The following DCLRE1C variants were observed in gnomAD, a reference collection of about 807,000 sequenced individuals.
DCLRE1C encodes protein artemis.
In DCLRE1C, 47 loss-of-function variants were observed where a neutral mutation model predicts 61.4. The ratio of observed to expected loss-of-function variants is 0.77; its 90% CI spans 0.61 to 0.98. DCLRE1C has a LOEUF of 0.98. Among genes scored for constraint, DCLRE1C ranks in the 50% least tolerant of loss-of-function variants. DCLRE1C has a pLI of 0.00. For synonymous variants in DCLRE1C, 337 were observed against 287.6 expected, an observed-to-expected ratio of 1.17 and a Z score of -1.74; for missense variants, 858 against 816.0, an observed-to-expected ratio of 1.05 and a Z score of -0.63.
At chr10:14,945,383 T>C in intron 2 of DCLRE1C, 194 bp from the exon 3 acceptor site, 5 of 1,321,376 alleles carry the variant, frequency 3.8e-6, no homozygotes, top group Non-Finnish European at 4.9e-6. Flanking sequence ...ATACATCTAA[T>C]AATTCAGAAA....
At position 14,945,109 on chromosome 10, in the gene DCLRE1C, C is replaced by T. The variant is rs772627259; in HGVS notation, c.242G>A (p.Arg81Gln). The T allele has an allele frequency of 1.9e-6, 3 of 1,610,156 alleles. No homozygotes were observed. Among genetic ancestry groups the T allele is most frequent in the East Asian group, 2.2e-5 (1 of 44,762 alleles). ...TATTAAAAAAATAAAACTTACAATT[C>T]GTTTCTTCCAAAATCTGTATTTCGG... Reference protein sequence around the residue: ...TSPKYRFWKKRIISIEIETPT... With the variant: ...TSPKYRFWKKQIISIEIETPT... The change falls in exon 3 of 14, where the codon CGA becomes CAA. Residue 81 changes from arginine (R) to glutamine (Q), a missense_variant. Physicochemically the swap from Arg to Gln is conservative, Grantham distance 43. Coordinates refer to ENST00000378278, the MANE Select transcript of DCLRE1C (RefSeq NM_001033855.3).
At chr10:14,903,718 A>C (rs556051168), downstream of DCLRE1C, 1 of 152,194 alleles carries the variant, frequency 6.6e-6, no homozygotes, top group African/African-American at 2.4e-5. Flanking sequence ...CTATTCTTTC[A>C]TGTCTGATTC....
At chr10:14,924,045 G>A (rs541628637) in intron 11 of DCLRE1C, among the ~76,000 whole-genome samples, 4 of 152,364 alleles carry the variant, frequency 2.6e-5, no homozygotes, top group Admixed American at 2.6e-4. Flanking sequence ...GACAGCTGGG[G>A]TGTGCCTAAG....
chr10:14,951,555 A>T (rs991547848), intron 1 of DCLRE1C, among the ~76,000 whole-genome samples: 1 of 152,128 alleles, frequency 6.6e-6, no homozygotes, highest in African/African-American at 2.4e-5. Flanking sequence ...AAGGAAAGGT[A>T]GTGTTTTGGT....
At chr10:14,929,425 T>A (rs71485535) in intron 9 of DCLRE1C, among the ~76,000 whole-genome samples, 23,389 of 127,422 alleles carry the variant, frequency 0.18, 1,848 homozygotes, top group Middle Eastern at 0.25. Context: ...TTTTTTTAAT[T>A]AAAAAAAAAA....
At chr10:14,901,548 T>TG (rs1377367529), downstream of DCLRE1C, among the ~76,000 whole-genome samples, 1 of 151,558 alleles carries the variant, frequency 6.6e-6, no homozygotes, top group African/African-American at 2.4e-5. Flanking sequence ...TACTTGTCTT[T>TG]TTTTTTTTTT....
chr10:14,915,127 A>G (rs985980414), intron 13 of DCLRE1C, among the ~76,000 whole-genome samples: 4 of 152,146 alleles, frequency 2.6e-5, no homozygotes, highest in Admixed American at 2.0e-4. Flanking sequence ...TGAAAACAAG[A>G]CAAATTTATG....
intron 11 of DCLRE1C, among the ~76,000 whole-genome samples, chr10:14,924,554 A>G (rs1348699866): frequency 6.6e-6 from 1 of 152,184 alleles, no homozygotes; most frequent in Non-Finnish European, 1.5e-5. Context: ...GAAACAGTCA[A>G]TAAAATCATC....
chr10:14,933,840 G>C (rs1316747688), intron 8 of DCLRE1C, among the ~76,000 whole-genome samples: 1 of 152,176 alleles, frequency 6.6e-6, no homozygotes, highest in Non-Finnish European at 1.5e-5. Context: ...GCTCTTGTAA[G>C]CCATTTTGGC....
chr10:14,909,122 G>A lies in DCLRE1C; in HGVS notation c.1365C>T (p.Ser455=). The change falls in exon 14 of 14, where the codon TCC becomes TCT. Residue 455 remains serine (S), a synonymous_variant. Transcript: ENST00000378278. ...CTACTTCTTCTTCACTTTCACTGTT[G>A]GATTCTTCACAATCTACAAAGTTTG... is the stretch of plus-strand genomic sequence containing the variant. ...RFTNFVDCEE[S]NSESEEEVGI... 1 of 1,614,142 alleles carries A rather than the reference G, an allele frequency of 6.2e-7. No individual in the cohort carries two copies. The highest frequency in any genetic ancestry group is 8.5e-7 in the Non-Finnish European group (1 of 1,180,036).
intron 11 of DCLRE1C, among the ~76,000 whole-genome samples, chr10:14,926,398 G>C (rs1014530230): frequency 5.9e-5 from 9 of 152,098 alleles, no homozygotes; most frequent in African/African-American, 2.2e-4. Context: ...ACTTACACGT[G>C]TAACCCAGCA....
chr10:14,897,601 T>TAAAA, exon 14 of DCLRE1C: 16 of 1,150,748 alleles, frequency 1.4e-5, no homozygotes, highest in Non-Finnish European at 1.7e-5. Flanking sequence ...CTTTAAGAGA[T>TAAAA]ACTTGGTACA....
At chr10:14,909,979 A>C (rs1011634286) in intron 13 of DCLRE1C, among the ~76,000 whole-genome samples, 1 of 151,800 alleles carries the variant, frequency 6.6e-6, no homozygotes, top group Non-Finnish European at 1.5e-5. Flanking sequence ...TTACTTAGAA[A>C]AACAAATATT....
rs552656235 is a variant in DCLRE1C at position 14,906,883 on chromosome 10, T to A, written c.*1525A>T. ...ATAACACATATACTTTAGTTTTTTT[T>A]AATTTATTTTTCTTGAGATGGGGTC... On this transcript the variant is annotated 3_prime_UTR_variant, in exon 14 of 14. Transcript: ENST00000378278. Among the ~76,000 whole-genome samples, 36 of 152,318 alleles carry A rather than the reference T, an allele frequency of 2.4e-4. No individual in the cohort carries two copies. Among genetic ancestry groups the A allele is most frequent in the East Asian group, 3.9e-4 (2 of 5,184 alleles).
intron 3 of DCLRE1C, among the ~76,000 whole-genome samples, chr10:14,943,254 C>T (rs1156318137): frequency 3.9e-5 from 6 of 152,200 alleles, no homozygotes; most frequent in Non-Finnish European, 8.8e-5. Flanking sequence ...TGGTTCTCCT[C>T]AGATCAAGCA....
In DCLRE1C at chr10:14,943,737, C is replaced by T. The variant is rs41296952; in HGVS notation, c.246+1368G>A. On this transcript the variant is annotated intron_variant, in intron 3 of 13. Coordinates refer to ENST00000378278, the MANE Select transcript of DCLRE1C (RefSeq NM_001033855.3). ...CAATTTTTTGCATTTTTAGTAGACA[C>T]GGGGTTTCGCCCTGTTGGCCAGGCT... Among the ~76,000 whole-genome samples, 18 of 152,248 alleles carry T rather than the reference C, an allele frequency of 1.2e-4. No homozygotes were observed. The East Asian group carries it at 2.5e-3, about 21-fold the overall frequency.
chr10:14,917,640 A>G (rs1235652097), intron 13 of DCLRE1C, among the ~76,000 whole-genome samples: 3 of 152,184 alleles, frequency 2.0e-5, no homozygotes, highest in East Asian at 3.8e-4. Context: ...CTTGGGCAAC[A>G]TGGTGAAACT....
intron 11 of DCLRE1C, among the ~76,000 whole-genome samples, chr10:14,926,590 G>A (rs1838015688): frequency 6.7e-6 from 1 of 149,828 alleles, no homozygotes; most frequent in South Asian, 2.1e-4. Context: ...GGAGGCAGAG[G>A]TTGCAGTGAG....
intron 1 of DCLRE1C, among the ~76,000 whole-genome samples, chr10:14,952,327 C>T (rs187497224): frequency 2.6e-5 from 4 of 152,292 alleles, no homozygotes; most frequent in East Asian, 3.9e-4. Context: ...CGGCTCACAC[C>T]TGTAATCCTA....
Sources: allele counts gnomAD v4.1 joint callset (sites outside exome capture counted in the v4.1 genomes callset), GRCh38; gene constraint gnomAD v4.1.1; transcripts MANE v1.5; gene names NCBI Gene and HGNC (gene_info 2026-07-23, HGNC 2026-07-21).